Variants in USP26 observed in about 807,000 individuals in gnomAD.
The protein encoded by USP26 is ubiquitin carboxyl-terminal hydrolase 26.
For missense variants in USP26, 649 were observed against 642.3 expected (o/e 1.01, Z -0.11); for synonymous variants, 236 against 240.6 (o/e 0.98, Z 0.18).
At chrX:133,081,313 A>C (rs1357911838) in intron 5 of USP26, among the ~76,000 whole-genome samples, 1 of 32,213 alleles carries the variant, frequency 3.1e-5, no homozygotes, top group Non-Finnish European at 6.2e-5. Flanking sequence ...CTCATGTATA[A>C]AGAGCACTCA....
Position 133,027,166 on chromosome X carries a change from T to C in USP26, c.1055A>G (p.Tyr352Cys), listed in dbSNP as rs1228769221. The change falls in exon 6 of 6, where the codon TAT becomes TGT. Residue 352 changes from tyrosine (Y) to cysteine (C), a missense_variant. By Grantham distance (194) the Tyr-to-Cys change is radical. Coordinates refer to ENST00000511190, the MANE Select transcript of USP26 (RefSeq NM_031907.3). ...LARLLFFKDTYNIEIKEMLLL... is the reference protein window; with the variant it reads ...LARLLFFKDTCNIEIKEMLLL... ...TAACATCTCCTTGATTTCTATATTA[T>C]AGGTATCTTTAAAAAAAAGTAGCCG... is the stretch of plus-strand genomic sequence containing the variant. 5 of 1,210,199 alleles carry C rather than the reference T, an allele frequency of 4.1e-6. No homozygotes were observed. Among genetic ancestry groups the C allele is most frequent in the East Asian group, 3.0e-5 (1 of 33,804 alleles).
At chrX:133,042,125 T>C (rs1457723057) in intron 5 of USP26, among the ~76,000 whole-genome samples, 1 of 111,991 alleles carries the variant, frequency 8.9e-6, no homozygotes, top group Non-Finnish European at 1.9e-5. Flanking sequence ...TTCAAGCCAG[T>C]GGTTCTTAGC....
chrX:133,082,266 T>C (rs940624171), intron 5 of USP26, among the ~76,000 whole-genome samples: 10 of 112,053 alleles, frequency 8.9e-5, no homozygotes, highest in Non-Finnish European at 1.7e-4. Context: ...AGACTGTAGG[T>C]CCTTGAAGGT....
intron 4 of USP26, among the ~76,000 whole-genome samples, chrX:133,087,106 A>T (rs1028455602): frequency 4.5e-5 from 5 of 110,644 alleles, no homozygotes; most frequent in African/African-American, 1.6e-4. Flanking sequence ...GTCTTTATTT[A>T]GAAGTTTGGT....
intron 5 of USP26, among the ~76,000 whole-genome samples, chrX:133,063,158 G>A (rs1228672205): frequency 9.0e-6 from 1 of 110,899 alleles, no homozygotes; most frequent in Non-Finnish European, 1.9e-5. Flanking sequence ...CTGAAATAAG[G>A]TGTGAGGACA....
chrX:133,028,107 C>G lies in USP26; in HGVS notation c.114G>C (p.Leu38=). The G allele has an allele frequency of 8.3e-7, 1 of 1,211,143 alleles. No homozygotes were observed. The highest frequency in any genetic ancestry group is 1.1e-6 in the Non-Finnish European group (1 of 895,136). Residue 38 remains leucine, a synonymous_variant, in exon 6 of 6, where the codon CTG becomes CTC. Coordinates refer to ENST00000511190, the MANE Select transcript of USP26 (RefSeq NM_031907.3). ...ATTTTCCACTTTTGAAATACAGCAC[C>G]AGTCTATCTTTCTTCTTTCTTTCCA... ...EAVERKKKDR[L]VLYFKSGKYS... is the part of the protein sequence containing the mutation.
chrX:133,092,045 T>C (rs1268803098), intron 1 of USP26, among the ~76,000 whole-genome samples: 2 of 111,592 alleles, frequency 1.8e-5, no homozygotes, highest in Non-Finnish European at 3.8e-5. Context: ...CCTTTTCCAC[T>C]TATTCAGAGA....
chrX:133,025,308 C>T lies in USP26; in HGVS notation c.*171G>A. ...AGCCAGAGCTATGGGATTGAGGTGT[C>T]TGTGTCAGGATTAGAATGCAGATCT... is the stretch of plus-strand genomic sequence containing the variant. On this transcript the variant is annotated 3_prime_UTR_variant, in exon 6 of 6. Coordinates refer to ENST00000511190, the MANE Select transcript of USP26 (RefSeq NM_031907.3). The T allele has an allele frequency of 4.2e-6, 3 of 707,051 alleles. No homozygotes were observed. In the South Asian group the frequency reaches 8.5e-5, roughly 20 times the overall value. 58.3% of individuals were successfully genotyped at this position (707,051 alleles called of 1,213,427 possible). A position where few individuals can be genotyped will look rare whatever the true frequency, so the allele number is the denominator to read the frequency against.
intron 5 of USP26, among the ~76,000 whole-genome samples, chrX:133,038,481 A>G (rs892514344): frequency 4.6e-4 from 52 of 111,859 alleles, no homozygotes; most frequent in African/African-American, 1.7e-3. Flanking sequence ...TGATTTGCAT[A>G]TGTTTAACCA....
chrX:133,093,959 T>G (rs1161370518), intron 1 of USP26, among the ~76,000 whole-genome samples: 1 of 56,910 alleles, frequency 1.8e-5, no homozygotes, highest in African/African-American at 7.8e-5. Context: ...CCATCCTGGG[T>G]AACAAAGCCA....
intron 5 of USP26, among the ~76,000 whole-genome samples, chrX:133,043,344 A>G (rs1157372253): frequency 7.1e-5 from 8 of 112,409 alleles, no homozygotes; most frequent in Non-Finnish European, 1.5e-4. Flanking sequence ...CCAGACACAC[A>G]GGTCCTTTTC....
chrX:133,089,740 G>A (rs1602992645), intron 4 of USP26, among the ~76,000 whole-genome samples: 1 of 112,170 alleles, frequency 8.9e-6, no homozygotes. Context: ...TATGACACTT[G>A]ATTCTTACAA....
Position 133,027,006 on chromosome X carries a change from C to A in USP26, c.1215G>T (p.Trp405Cys). ...CTTCCCCAAATTCACTTTTAGGCTT[C>A]CAAATTGTGTTGAGTTTTTCCATGT... ...KDNMEKLNTI[W>C]KPKSEFGEDN... Residue 405 changes from tryptophan (W) to cysteine (C), a missense_variant, in exon 6 of 6, where the codon TGG becomes TGT. Transcript: ENST00000511190. The A allele has an allele frequency of 8.3e-7, 1 of 1,211,392 alleles. No homozygotes were observed. The highest frequency in any genetic ancestry group is 1.7e-5 in the African/African-American group (1 of 57,750).
At chrX:133,048,481 T>C (rs2067447572) in intron 5 of USP26, among the ~76,000 whole-genome samples, 1 of 108,258 alleles carries the variant, frequency 9.2e-6, no homozygotes, top group African/African-American at 3.4e-5. Context: ...TGAGAGCACA[T>C]GTGACAGAAC....
At position 133,023,427 on chromosome X, in the gene USP26, C is replaced by A. The variant is rs926430214; in HGVS notation, c.*2052G>T. On this transcript the variant is annotated 3_prime_UTR_variant, in exon 6 of 6. Transcript: ENST00000511190. ...TCTTCACACTCCTTTCAAAACAAAA[C>A]AACTTTCCTTCATTCTTACCAAAAT... Among the ~76,000 whole-genome samples the A allele has an allele frequency of 4.5e-5, 5 of 111,779 alleles. No homozygotes were observed. The highest frequency in any genetic ancestry group is 1.6e-4 in the African/African-American group (5 of 30,793).
chrX:133,036,716 A>T (rs1311308145), intron 5 of USP26, among the ~76,000 whole-genome samples: 1 of 112,195 alleles, frequency 8.9e-6, no homozygotes, highest in East Asian at 2.8e-4. Flanking sequence ...GCCAGGTCAA[A>T]TGGTATTTCT....
At chrX:133,043,232 G>C (rs1324339628) in intron 5 of USP26, among the ~76,000 whole-genome samples, 1 of 111,877 alleles carries the variant, frequency 8.9e-6, no homozygotes, top group Admixed American at 9.5e-5. Flanking sequence ...AATTTCATTA[G>C]GTAAAAAGAA....
chrX:133,031,758 C>G (rs2067377472), intron 5 of USP26, among the ~76,000 whole-genome samples: 1 of 111,943 alleles, frequency 8.9e-6, no homozygotes, highest in Non-Finnish European at 1.9e-5. Flanking sequence ...AATCCATGCT[C>G]TCGAAAAATT....
At chrX:133,086,619 A>G (rs1226098870) in intron 4 of USP26, among the ~76,000 whole-genome samples, 1 of 110,741 alleles carries the variant, frequency 9.0e-6, no homozygotes, top group Non-Finnish European at 1.9e-5. Context: ...CTTAAAAAGT[A>G]ATAATAATAA....
Sources: allele counts gnomAD v4.1 joint callset (sites outside exome capture counted in the v4.1 genomes callset), GRCh38; gene constraint gnomAD v4.1.1; transcripts MANE v1.5; gene names NCBI Gene and HGNC (gene_info 2026-07-23, HGNC 2026-07-21).